Variants in MEF2A observed in about 807,000 individuals in gnomAD.
MEF2A encodes the protein myocyte-specific enhancer factor 2A.
In MEF2A, 28 loss-of-function variants were observed where a neutral mutation model predicts 55.8. The observed-to-expected ratio is 0.50, with a 90% confidence interval of 0.37 to 0.69. MEF2A has a LOEUF of 0.69. Ranked by LOEUF, MEF2A falls within the 30% of genes least tolerant of loss-of-function variation. The probability of loss-of-function intolerance (pLI) is 0.00; values close to 1 mark genes in which losing one functional copy is unlikely to be tolerated. For missense variants in MEF2A, 528 were observed against 626.2 expected (o/e 0.84, Z 1.67); for synonymous variants, 239 against 227.1 (o/e 1.05, Z -0.47).
chr15:99,623,205 A>G (rs2041523585), intron 2 of MEF2A, among the ~76,000 whole-genome samples: 1 of 152,212 alleles, frequency 6.6e-6, no homozygotes, highest in South Asian at 2.1e-4. Flanking sequence ...AATGTCTTCA[A>G]GGTTCATCTC....
intron 2 of MEF2A, among the ~76,000 whole-genome samples, chr15:99,616,714 C>CT (rs2040245539): frequency 6.6e-6 from 1 of 152,056 alleles, no homozygotes; most frequent in African/African-American, 2.4e-5. Context: ...GTGCCTTCCA[C>CT]TTTTTTACTG....
In MEF2A at chr15:99,714,400, T is replaced by G. The variant is rs2058953608; in HGVS notation, c.*1629T>G. The G allele has an allele frequency of 2.6e-5, 4 of 152,216 alleles. No individual in the cohort carries two copies. Among genetic ancestry groups the G allele is most frequent in the Non-Finnish European group, 5.9e-5 (4 of 68,038 alleles). 9.4% of individuals were successfully genotyped at this position (152,216 alleles called of 1,614,324 possible). ...GAAAATAATCATGGGGAAAGGGATC[T>G]TTTTTCCTTGACCCTCTGAAAACAG... On this transcript the variant is annotated 3_prime_UTR_variant, in exon 12 of 12. Transcript: ENST00000557942.
chr15:99,625,707 C>T (rs538522838), intron 2 of MEF2A, among the ~76,000 whole-genome samples: 4 of 152,094 alleles, frequency 2.6e-5, no homozygotes, highest in African/African-American at 7.2e-5. Context: ...TTTGTCAAAT[C>T]CTTTTTCAGT....
intron 8 of MEF2A, among the ~76,000 whole-genome samples, chr15:99,699,888 G>C (rs140928841): frequency 0.01 from 1,575 of 151,994 alleles, 25 homozygotes; most frequent in African/African-American, 0.036. Flanking sequence ...CAGGGGGTTG[G>C]GGGTGGGGTC....
intron 8 of MEF2A, among the ~76,000 whole-genome samples, chr15:99,691,711 G>A (rs12910796): frequency 0.054 from 8,196 of 151,676 alleles, 276 homozygotes; most frequent in East Asian, 0.17. Flanking sequence ...AAAAAAAAAA[G>A]AAAAAATTCT....
intron 7 of MEF2A, among the ~76,000 whole-genome samples, chr15:99,687,949 G>A (rs1423391454): frequency 6.6e-6 from 1 of 152,134 alleles, no homozygotes; most frequent in East Asian, 1.9e-4. Flanking sequence ...ATTTTAGGCA[G>A]TTGCTAGTCT....
chr15:99,586,199 G>T (rs965958655), intron 1 of MEF2A, among the ~76,000 whole-genome samples: 6 of 152,134 alleles, frequency 3.9e-5, no homozygotes, highest in Non-Finnish European at 7.4e-5. Context: ...ATACCAAAGA[G>T]TGGGATTTCT....
At chr15:99,651,051 A>T (rs955032363) in intron 4 of MEF2A, among the ~76,000 whole-genome samples, 2 of 152,188 alleles carry the variant, frequency 1.3e-5, no homozygotes, top group African/African-American at 2.4e-5. Flanking sequence ...GCAAGCACAA[A>T]CTGTAATTTT....
intron 3 of MEF2A, among the ~76,000 whole-genome samples, chr15:99,636,678 A>G (rs930595134): frequency 6.6e-6 from 1 of 152,196 alleles, no homozygotes; most frequent in African/African-American, 2.4e-5. Flanking sequence ...TAATATTTTA[A>G]TGGTTTCCCA....
At chr15:99,677,137 A>C (rs903749787) in intron 7 of MEF2A, among the ~76,000 whole-genome samples, 1 of 141,650 alleles carries the variant, frequency 7.1e-6, no homozygotes, top group Non-Finnish European at 1.6e-5. Flanking sequence ...TAAATAAATA[A>C]ATAAATAAAT....
intron 8 of MEF2A, among the ~76,000 whole-genome samples, chr15:99,699,230 C>T (rs562573879): frequency 6.6e-6 from 1 of 152,174 alleles, no homozygotes; most frequent in Non-Finnish European, 1.5e-5. Context: ...ACACACTGTA[C>T]ATCCATATAA....
At chr15:99,670,277 G>T (rs2050602610) in intron 4 of MEF2A, among the ~76,000 whole-genome samples, 1 of 152,056 alleles carries the variant, frequency 6.6e-6, no homozygotes, top group Non-Finnish European at 1.5e-5. Context: ...AAAAAAGTCA[G>T]TATAATCCAG....
At chr15:99,699,698 G>C (rs1350290278) in intron 8 of MEF2A, among the ~76,000 whole-genome samples, 1 of 152,178 alleles carries the variant, frequency 6.6e-6, no homozygotes, top group Non-Finnish European at 1.5e-5. Context: ...GATACTGTAA[G>C]GTTAGAGACC....
At chr15:99,657,589 A>C (rs2047948713) in intron 4 of MEF2A, 2 of 152,096 alleles carry the variant, frequency 1.3e-5, no homozygotes, top group African/African-American at 4.8e-5. Flanking sequence ...ACCCTGAATC[A>C]TTTGCCCATC....
At chr15:99,603,543 T>TGTGTGTGTGTGTGTGTG (rs141750262) in intron 2 of MEF2A, among the ~76,000 whole-genome samples, 1 of 126,422 alleles carries the variant, frequency 7.9e-6, no homozygotes, top group East Asian at 2.4e-4. Context: ...CTGGCTGATT[T>TGTGTGTGTGTGTGTGTG]TGTGTGTGTG....
chr15:99,633,146 A>G lies in MEF2A; in HGVS notation c.27A>G (p.Thr9=), dbSNP rs2043196121. MGRKKIQI[T]RIMDERNRQV... Reference sequence around the variant, plus strand: ...TGGGGCGGAAGAAAATACAAATCACACGCATAATGGATGAAAGGAACCGAC... The same window carrying G: ...TGGGGCGGAAGAAAATACAAATCACGCGCATAATGGATGAAAGGAACCGAC... The change falls in exon 3 of 12, where the codon ACA becomes ACG. Residue 9 remains threonine, a synonymous_variant. Coordinates refer to ENST00000557942, the MANE Select transcript of MEF2A (RefSeq NM_001319206.4). 10 of 1,596,276 alleles carry G rather than the reference A, an allele frequency of 6.3e-6. No homozygotes were observed. The highest frequency in any genetic ancestry group is 8.5e-6 in the Non-Finnish European group (10 of 1,172,964).
chr15:99,660,151 C>T (rs1390371865), intron 4 of MEF2A, among the ~76,000 whole-genome samples: 2 of 152,154 alleles, frequency 1.3e-5, no homozygotes, highest in Admixed American at 6.5e-5. Context: ...TGAAAGTCTT[C>T]AGCAAAATAT....
intron 3 of MEF2A, among the ~76,000 whole-genome samples, chr15:99,639,637 G>A (rs1029862640): frequency 6.6e-6 from 1 of 152,108 alleles, no homozygotes; most frequent in African/African-American, 2.4e-5. Context: ...GCTTTACCAT[G>A]TTTTCAAGTT....
At chr15:99,585,210 G>A (rs558656920) in intron 1 of MEF2A, among the ~76,000 whole-genome samples, 1 of 152,006 alleles carries the variant, frequency 6.6e-6, no homozygotes, top group Admixed American at 6.6e-5. Context: ...CCTATTTTCA[G>A]GGTTAAGGTT....
Sources: allele counts gnomAD v4.1 joint callset (sites outside exome capture counted in the v4.1 genomes callset), GRCh38; gene constraint gnomAD v4.1.1; transcripts MANE v1.5; gene names NCBI Gene and HGNC (gene_info 2026-07-23, HGNC 2026-07-21).